Variants in SCFD2 observed in about 807,000 individuals in gnomAD.
SCFD2 encodes sec1 family domain containing 2, also known as sec1 family domain-containing protein 2.
Under a neutral mutation model 58.9 loss-of-function variants are expected in SCFD2, and 54 were observed. The observed-to-expected ratio is 0.92, with a 90% CI of 0.74 to 1.15. SCFD2 has a LOEUF of 1.15. Among genes scored for constraint, SCFD2 ranks in the 50% most tolerant of loss-of-function variants. The probability of loss-of-function intolerance (pLI) is 0.00; values close to 1 mark genes in which losing one functional copy is unlikely to be tolerated. For synonymous variants in SCFD2, 321 were observed against 335.9 expected (o/e 0.96, Z 0.49); for missense variants, 805 against 836.6 (o/e 0.96, Z 0.47).
intron 4 of SCFD2, among the ~76,000 whole-genome samples, chr4:53,238,050 G>A (rs1231213292): frequency 7.3e-6 from 1 of 137,494 alleles, no homozygotes; most frequent in Non-Finnish European, 1.6e-5. Context: ...GCCGGGCGGG[G>A]GGCTGACCCC....
At chr4:53,239,506 C>A (rs553092379) in intron 4 of SCFD2, among the ~76,000 whole-genome samples, 1 of 151,988 alleles carries the variant, frequency 6.6e-6, no homozygotes, top group Non-Finnish European at 1.5e-5. Context: ...TTTAATAAGA[C>A]GGAGTTTCGC....
chr4:53,210,597 T>C (rs555640151), intron 4 of SCFD2, among the ~76,000 whole-genome samples: 24 of 152,174 alleles, frequency 1.6e-4, no homozygotes, highest in African/African-American at 5.8e-4. Flanking sequence ...TCACTAAATA[T>C]TTCTGTTCTG....
intron 5 of SCFD2, among the ~76,000 whole-genome samples, chr4:53,144,009 C>T (rs1043892793): frequency 6.6e-6 from 1 of 151,970 alleles, no homozygotes; most frequent in Non-Finnish European, 1.5e-5. Flanking sequence ...AGTTATATTG[C>T]AGTTATTATT....
chr4:52,884,803 A>C (rs1360733888), intron 8 of SCFD2, among the ~76,000 whole-genome samples: 3 of 152,160 alleles, frequency 2.0e-5, no homozygotes, highest in Non-Finnish European at 4.4e-5. Flanking sequence ...TCATGCTGTG[A>C]GCCTCAAACC....
chr4:52,936,947 A>T (rs926594252), intron 5 of SCFD2, among the ~76,000 whole-genome samples: 5 of 152,208 alleles, frequency 3.3e-5, no homozygotes, highest in African/African-American at 1.2e-4. Flanking sequence ...TTGAGTGCTG[A>T]CTACCGCTAG....
chr4:53,042,438 G>A (rs1216271798), intron 5 of SCFD2, among the ~76,000 whole-genome samples: 2 of 151,870 alleles, frequency 1.3e-5, no homozygotes, highest in African/African-American at 4.8e-5. Context: ...CCTTCCCTGT[G>A]GTATAATTTA....
chr4:53,188,418 G>GGTGTGTGTGTGTGTGTGTGT (rs56120914), intron 4 of SCFD2, among the ~76,000 whole-genome samples: 1 of 143,460 alleles, frequency 7.0e-6, no homozygotes, highest in African/African-American at 2.6e-5. Context: ...CTTCAAAACT[G>GGTGTGTGTGTGTGTGTGTGT]GTGTGTGTGT....
At chr4:53,219,298 C>T (rs535674081) in intron 4 of SCFD2, among the ~76,000 whole-genome samples, 13 of 152,336 alleles carry the variant, frequency 8.5e-5, no homozygotes, top group Admixed American at 2.0e-4. Context: ...GTTTCAGTTT[C>T]GAGGCCACTT....
At chr4:53,296,262 G>C (rs1577941319) in intron 3 of SCFD2, among the ~76,000 whole-genome samples, 1 of 152,040 alleles carries the variant, frequency 6.6e-6, no homozygotes, top group Non-Finnish European at 1.5e-5. Flanking sequence ...GAATCTCTCT[G>C]GTCCTGGACT....
intron 5 of SCFD2, among the ~76,000 whole-genome samples, chr4:53,144,320 A>ATGTGTGTATATATG (rs960981333): frequency 2.0e-5 from 3 of 151,020 alleles, no homozygotes; most frequent in African/African-American, 7.3e-5. Context: ...TATGTAATAT[A>ATGTGTGTATATATG]TGTGTGTATA....
chr4:52,991,983 G>GCCTCTC (rs1373090942), intron 5 of SCFD2, among the ~76,000 whole-genome samples: 1 of 151,814 alleles, frequency 6.6e-6, no homozygotes, highest in African/African-American at 2.4e-5. Context: ...GTATGTTTTT[G>GCCTCTC]CCTCTCCCTC....
chr4:52,961,303 TC>T (rs1373539399), intron 5 of SCFD2, among the ~76,000 whole-genome samples: 1 of 151,950 alleles, frequency 6.6e-6, no homozygotes, highest in African/African-American at 2.4e-5. Flanking sequence ...GAGGATGTAA[TC>T]CCGAAGCTAC....
At chr4:53,098,169 A>G (rs916795081) in intron 5 of SCFD2, among the ~76,000 whole-genome samples, 49 of 152,080 alleles carry the variant, frequency 3.2e-4, no homozygotes, top group Non-Finnish European at 1.0e-4. Flanking sequence ...ATATTGGTCT[A>G]AAATTCTCTT....
intron 5 of SCFD2, among the ~76,000 whole-genome samples, chr4:53,012,355 TTCTCTCTCTC>T (rs71195197): frequency 6.9e-6 from 1 of 145,950 alleles, no homozygotes; most frequent in Non-Finnish European, 1.5e-5. Context: ...CTCTCTCTCT[TTCTCTCTCTC>T]TCTCTCTCTC....
intron 5 of SCFD2, among the ~76,000 whole-genome samples, chr4:52,988,961 C>A (rs1721559768): frequency 6.6e-6 from 1 of 152,180 alleles, no homozygotes; most frequent in African/African-American, 2.4e-5. Flanking sequence ...GACTATCTAC[C>A]TGTTTCAAAC....
chr4:53,296,784 A>G (rs529857516), intron 3 of SCFD2, among the ~76,000 whole-genome samples: 1 of 152,152 alleles, frequency 6.6e-6, no homozygotes, highest in Non-Finnish European at 1.5e-5. Flanking sequence ...TAGTGCTATA[A>G]ATTTCCCTCT....
At chr4:53,102,007 C>T (rs1300787029) in intron 5 of SCFD2, among the ~76,000 whole-genome samples, 1 of 152,168 alleles carries the variant, frequency 6.6e-6, no homozygotes. Flanking sequence ...GATATTAAAA[C>T]CTACCACAAA....
chr4:53,016,727 T>C (rs1722222215), intron 5 of SCFD2, among the ~76,000 whole-genome samples: 1 of 152,196 alleles, frequency 6.6e-6, no homozygotes, highest in Non-Finnish European at 1.5e-5. Flanking sequence ...TTAACTGAGC[T>C]TGTAGGGATT....
chr4:53,091,179 T>G (rs1188505774), intron 5 of SCFD2, among the ~76,000 whole-genome samples: 1 of 152,042 alleles, frequency 6.6e-6, no homozygotes. Context: ...ATCTATGGGC[T>G]GAAGAAAGGA....
Sources: allele counts gnomAD v4.1 joint callset (sites outside exome capture counted in the v4.1 genomes callset), GRCh38; gene constraint gnomAD v4.1.1; transcripts MANE v1.5; gene names NCBI Gene and HGNC (gene_info 2026-07-23, HGNC 2026-07-21).